The following GIGYF2 variants were observed in gnomAD, a reference collection of about 807,000 sequenced individuals.
The protein encoded by GIGYF2 is GRB10 interacting GYF protein 2, also known as GRB10-interacting GYF protein 2.
A neutral mutation model predicts 208.1 loss-of-function variants in GIGYF2; 25 were observed. The observed-to-expected ratio is 0.12, with a 90% confidence interval of 0.09 to 0.17. GIGYF2 has a LOEUF of 0.17. GIGYF2 is among the 10% of genes least tolerant of loss of function. The probability of loss-of-function intolerance (pLI) is 1.00; values close to 1 mark genes in which losing one functional copy is unlikely to be tolerated. For synonymous variants in GIGYF2, 534 were observed against 543.8 expected (o/e 0.98, Z 0.25); for missense variants, 1,302 against 1,579.4 (o/e 0.82, Z 2.98).
At chr2:232,723,952 T>C (rs896710027) in intron 2 of GIGYF2, among the ~76,000 whole-genome samples, 2 of 150,854 alleles carry the variant, frequency 1.3e-5, no homozygotes, top group African/African-American at 2.4e-5. Flanking sequence ...TAGGCTGGTC[T>C]CGAATTCCCG....
chr2:232,761,681 T>A (rs904194679), intron 8 of GIGYF2: 5 of 326,256 alleles, frequency 1.5e-5, no homozygotes, highest in Non-Finnish European at 2.3e-5. Flanking sequence ...AGACTCAAGT[T>A]AGGAACCAAT....
chr2:232,846,758 G>C (rs986190341), intron 26 of GIGYF2, among the ~76,000 whole-genome samples: 3 of 152,186 alleles, frequency 2.0e-5, no homozygotes, highest in African/African-American at 7.2e-5. Flanking sequence ...TTACAAGATA[G>C]GTGATATTAT....
chr2:232,813,187 CTTTTTTTTT>C (rs894736273), intron 18 of GIGYF2, among the ~76,000 whole-genome samples: 15 of 123,878 alleles, frequency 1.2e-4, no homozygotes, highest in African/African-American at 3.6e-4. Flanking sequence ...TCTTTGCTTT[CTTTTTTTTT>C]TTTTTTTTTT....
chr2:232,740,937 AT>A (rs1697946682), intron 3 of GIGYF2, among the ~76,000 whole-genome samples: 1 of 152,212 alleles, frequency 6.6e-6, no homozygotes, highest in Non-Finnish European at 1.5e-5. Flanking sequence ...TTCAGAAAAC[AT>A]TTTATCAAAT....
intron 21 of GIGYF2, among the ~76,000 whole-genome samples, 196 bp from the exon 22 acceptor site, chr2:232,832,661 A>G (rs1188897966): frequency 3.3e-5 from 5 of 152,166 alleles, no homozygotes; most frequent in African/African-American, 1.2e-4. Flanking sequence ...TTCATCCTGT[A>G]AGCATACCAG....
chr2:232,707,456 C>A (rs1432618256), intron 2 of GIGYF2, among the ~76,000 whole-genome samples: 1 of 152,090 alleles, frequency 6.6e-6, no homozygotes, highest in Admixed American at 6.5e-5. Flanking sequence ...GTAGCCATAT[C>A]CACGGGCTCT....
intron 26 of GIGYF2, 66 bp downstream of exon 26, chr2:232,845,952 A>G: frequency 9.2e-7 from 1 of 1,090,658 alleles, no homozygotes; most frequent in Non-Finnish European, 1.4e-6. Flanking sequence ...GAGGCTGGCA[A>G]ATTTGAACAG....
Position 232,847,550 on chromosome 2 carries a change from GCCACAGCAGCCA to G in GIGYF2, c.3665_3676del (p.Pro1222_Pro1225del), listed in dbSNP as rs756454117. ...AGCAGCAGCAGCCGCCACAGCAGCC[GCCACAGCAGCCA>G]CAACAGCAGGTATAAAGTAGTGTGG... On this transcript the variant is annotated inframe_deletion, in exon 27 of 29. Transcript: ENST00000373563. The G allele has an allele frequency of 3.7e-6, 6 of 1,610,748 alleles. No individual in the cohort carries two copies. Among genetic ancestry groups the G allele is most frequent in the South Asian group, 3.3e-5 (3 of 90,958 alleles).
intron 8 of GIGYF2, among the ~76,000 whole-genome samples, chr2:232,761,723 C>T (rs1357924202): frequency 6.6e-6 from 1 of 151,846 alleles, no homozygotes; most frequent in South Asian, 2.1e-4. Context: ...TAGATAGCAT[C>T]TCACAGATGA....
At chr2:232,735,687 T>A in intron 3 of GIGYF2, 2 of 991,708 alleles carry the variant, frequency 2.0e-6, no homozygotes, top group Non-Finnish European at 2.4e-6. Flanking sequence ...TTATACTGGC[T>A]GTTAACAGTA....
chr2:232,742,427 A>G (rs1044486108), intron 3 of GIGYF2, among the ~76,000 whole-genome samples: 4 of 152,024 alleles, frequency 2.6e-5, no homozygotes, highest in Admixed American at 6.6e-5. Flanking sequence ...TGTAATCCCA[A>G]CTACGCAGGA....
intron 28 of GIGYF2, among the ~76,000 whole-genome samples, chr2:232,852,648 C>T (rs935333893): frequency 6.6e-6 from 1 of 152,070 alleles, no homozygotes; most frequent in Non-Finnish European, 1.5e-5. Flanking sequence ...ACTTGTAGAT[C>T]TGGTGCAATT....
intron 14 of GIGYF2, among the ~76,000 whole-genome samples, chr2:232,799,942 C>T (rs755064949): frequency 1.3e-5 from 2 of 151,312 alleles, no homozygotes; most frequent in South Asian, 2.1e-4. Context: ...AATGTCTATT[C>T]AAGTCCTTTG....
chr2:232,796,560 T>C (rs1700228884), intron 14 of GIGYF2, among the ~76,000 whole-genome samples: 1 of 152,218 alleles, frequency 6.6e-6, no homozygotes. Context: ...AGTCAACCTA[T>C]GTAAAAATAA....
chr2:232,822,463 A>G (rs925447895), intron 21 of GIGYF2, among the ~76,000 whole-genome samples: 4 of 152,224 alleles, frequency 2.6e-5, no homozygotes, highest in African/African-American at 9.6e-5. Flanking sequence ...CGGGCAGATC[A>G]CGAAGTCAGG....
Position 232,791,425 on chromosome 2 carries a change from A to C in GIGYF2, c.1261A>C (p.Lys421Gln), listed in dbSNP as rs1050914738. Residue 421 changes from lysine (K) to glutamine (Q), a missense_variant, in exon 12 of 29, where the codon AAA becomes CAA. By Grantham distance (53) the Lys-to-Gln change is moderately conservative. Around this residue, in one of 8 missense-constraint regions of GIGYF2, gnomAD observed 235 missense variants for 218.8 expected, o/e 1.07. Coordinates refer to ENST00000373563, the MANE Select transcript of GIGYF2 (RefSeq NM_001103146.3). ...ETRMENSLPA[K>Q]VPSRGDEMVA... ...TCGGATGGAAAATAGTCTACCAGCC[A>C]AAGTGCCCAGCAGAGGGGATGGTAT... The C allele has an allele frequency of 1.2e-6, 2 of 1,613,830 alleles. No individual in the cohort carries two copies. The highest frequency in any genetic ancestry group is 1.7e-6 in the Non-Finnish European group (2 of 1,179,932).
In GIGYF2 at chr2:232,806,344, GC is replaced by G. The variant is rs1700562593; in HGVS notation, c.1640-146del. 2.9e-6 allele frequency: 2 copies of G among 684,980 alleles called. No homozygotes were observed. Among genetic ancestry groups the G allele is most frequent in the Admixed American group, 5.0e-5 (2 of 39,850 alleles). The allele number at this position is 684,980 out of a possible 1,614,324, so 42.4% of individuals were successfully genotyped here. Reference sequence around the variant, plus strand: ...TATTTTAGTAGTTAGAAATCTGTTAGCTACCTTTAGAGGTGAATTAAATTAG... The same window carrying G: ...TATTTTAGTAGTTAGAAATCTGTTAGTACCTTTAGAGGTGAATTAAATTAG... On this transcript the variant is annotated intron_variant, in intron 14 of 28. Transcript: ENST00000373563. This position sits in a 1 kb window ranked among gnomAD's most constrained non-coding sequence, Gnocchi z 4.0.
intron 5 of GIGYF2, among the ~76,000 whole-genome samples, chr2:232,751,814 G>T (rs538015576): frequency 2.0e-5 from 3 of 152,232 alleles, no homozygotes; most frequent in Admixed American, 2.0e-4. Context: ...TACACAAATC[G>T]TTTGGAAAAT....
chr2:232,842,490 C>G (rs1209918397), intron 23 of GIGYF2, among the ~76,000 whole-genome samples: 1 of 152,176 alleles, frequency 6.6e-6, no homozygotes, highest in Non-Finnish European at 1.5e-5. Context: ...TTACTGATAG[C>G]TTCTTAAAAA....
Sources: gnomAD v4.1 joint callset for allele counts (sites outside exome capture counted in the v4.1 genomes callset) on GRCh38, gnomAD v4.1.1 for gene constraint, gnomAD v4.1.1 regional missense constraint, Gnocchi (gnomAD v3.1) non-coding constraint, MANE v1.5 for transcripts, NCBI Gene and HGNC (gene_info 2026-07-23, HGNC 2026-07-21) for gene names.